The following SLC36A1 variants were observed in gnomAD, a reference collection of about 807,000 sequenced individuals.
SLC36A1 encodes the protein solute carrier family 36 member 1.
A neutral mutation model predicts 47.5 loss-of-function variants in SLC36A1; 30 were observed. The ratio of observed to expected loss-of-function variants is 0.63; its 90% CI spans 0.47 to 0.86. The LOEUF (loss-of-function observed/expected upper bound fraction) is 0.86, where lower values mean the gene tolerates loss of function less well. Ranked by LOEUF, SLC36A1 falls within the 40% of genes least tolerant of loss-of-function variation. The pLI is 0.00. For missense variants in SLC36A1, 517 were observed against 606.0 expected, an observed-to-expected ratio of 0.85 and a Z score of 1.54; for synonymous variants, 255 against 249.7, an observed-to-expected ratio of 1.02 and a Z score of -0.20.
At chr5:151,438,204 A>G (rs915996773) in intron 1 of SLC36A1, among the ~76,000 whole-genome samples, 9 of 152,198 alleles carry the variant, frequency 5.9e-5, no homozygotes, top group African/African-American at 1.2e-4. Flanking sequence ...ACCTGGGACA[A>G]TTTCACTGTG....
chr5:151,503,539 T>C, the SLC36A1 span, among the ~76,000 whole-genome samples: 2 of 150,198 alleles, frequency 1.3e-5, no homozygotes, highest in South Asian at 4.2e-4. Flanking sequence ...CCAGCTGGAT[T>C]GGGAACTTGA....
In SLC36A1 at chr5:151,437,936, A is replaced by G. The variant is rs542263444; in HGVS notation, c.-6+757A>G. ...GAGGCCTCCTGCGTTTCCTTGGCTC[A>G]TGGCGTCTTCCTCCATCTTTAAAGC... On this transcript the variant is annotated intron_variant, in intron 1 of 8. Coordinates refer to the SLC36A1 transcript ENST00000429484. Among the ~76,000 whole-genome samples, 5 of 152,142 alleles carry G rather than the reference A, an allele frequency of 3.3e-5. No homozygotes were observed. In the East Asian group the frequency reaches 7.7e-4, roughly 24 times the overall value.
At chr5:151,454,995 C>G (rs866926160) in intron 1 of SLC36A1, among the ~76,000 whole-genome samples, 8 of 152,322 alleles carry the variant, frequency 5.3e-5, no homozygotes, top group Middle Eastern at 3.4e-3. Flanking sequence ...TTTCCTACCC[C>G]TCTTGATCCT....
At chr5:151,448,701 G>T (rs1753179751) in intron 1 of SLC36A1, among the ~76,000 whole-genome samples, 1 of 152,172 alleles carries the variant, frequency 6.6e-6, no homozygotes, top group Non-Finnish European at 1.5e-5. Context: ...TGGACGTTTT[G>T]CAGTTATTTG....
At chr5:151,382,451 T>C in the SLC36A1 span, 7 of 573,150 alleles carry the variant, frequency 1.2e-5, no homozygotes, top group African/African-American at 9.5e-5. Context: ...TCTTCTAGCA[T>C]AGAAGCAAGG....
chr5:151,370,685 C>G, the SLC36A1 span, among the ~76,000 whole-genome samples: 1 of 152,090 alleles, frequency 6.6e-6, no homozygotes, highest in South Asian at 2.1e-4. Flanking sequence ...TTGCTTGTGA[C>G]CACTATCTGA....
the SLC36A1 span, chr5:151,366,588 G>A: frequency 1.0e-5 from 2 of 200,912 alleles, no homozygotes; most frequent in Non-Finnish European, 1.0e-5. Context: ...TGAGGGGCAG[G>A]GTGCTGCTGC....
chr5:151,381,745 C>G, the SLC36A1 span, among the ~76,000 whole-genome samples: 1 of 152,170 alleles, frequency 6.6e-6, no homozygotes, highest in Non-Finnish European at 1.5e-5. Context: ...AGCTTTGACT[C>G]CCTGTGATTT....
the SLC36A1 span, chr5:151,544,132 G>A: frequency 6.2e-7 from 1 of 1,614,178 alleles, no homozygotes; most frequent in East Asian, 2.2e-5. Flanking sequence ...TTGAACTGTG[G>A]ACATCTCCCC....
the SLC36A1 span, among the ~76,000 whole-genome samples, chr5:151,403,228 A>C: frequency 6.6e-6 from 1 of 152,072 alleles, no homozygotes; most frequent in Admixed American, 6.6e-5. Flanking sequence ...TCTATTTCAA[A>C]GAATCTTTTG....
chr5:151,387,774 CATTTAA>C, the SLC36A1 span, among the ~76,000 whole-genome samples: 1 of 152,176 alleles, frequency 6.6e-6, no homozygotes, highest in Admixed American at 6.5e-5. Flanking sequence ...GCTTGTCTGC[CATTTAA>C]GGACTCTTTG....
At chr5:151,397,559 G>T in the SLC36A1 span, among the ~76,000 whole-genome samples, 1 of 151,966 alleles carries the variant, frequency 6.6e-6, no homozygotes, top group African/African-American at 2.4e-5. Flanking sequence ...GGCCAAGGTG[G>T]GTGTTCAAAA....
chr5:151,501,473 T>G, the SLC36A1 span, among the ~76,000 whole-genome samples: 1 of 148,090 alleles, frequency 6.8e-6, no homozygotes, highest in Non-Finnish European at 1.5e-5. Flanking sequence ...AGGCTGACTC[T>G]GGGTCCCAGG....
At chr5:151,351,225 C>T in the SLC36A1 span, among the ~76,000 whole-genome samples, 2 of 152,060 alleles carry the variant, frequency 1.3e-5, no homozygotes, top group African/African-American at 2.4e-5. Context: ...GAAACTGAGG[C>T]CCAGATAGGA....
the SLC36A1 span, among the ~76,000 whole-genome samples, chr5:151,400,347 T>C: frequency 7.4e-3 from 1,130 of 152,338 alleles, 20 homozygotes; most frequent in East Asian, 0.032. Context: ...TTCATTCTTT[T>C]TATGGCCGCA....
chr5:151,495,516 TATACAG>T (rs1760312417), downstream of SLC36A1, among the ~76,000 whole-genome samples: 1 of 152,316 alleles, frequency 6.6e-6, no homozygotes, highest in African/African-American at 2.4e-5. Flanking sequence ...TTTCATTAGT[TATACAG>T]ATACTCATTT....
At chr5:151,452,217 G>A (rs1008442845) in intron 1 of SLC36A1, 6 of 152,192 alleles carry the variant, frequency 3.9e-5, no homozygotes, top group South Asian at 2.1e-4. Flanking sequence ...TTCTGCTCTG[G>A]TAAGTTGGAT....
At chr5:151,462,837 T>C (rs577647041) in intron 2 of SLC36A1, among the ~76,000 whole-genome samples, 1 of 152,060 alleles carries the variant, frequency 6.6e-6, no homozygotes, top group African/African-American at 2.4e-5. Flanking sequence ...TTGTCCGTCA[T>C]TGTTTGGTTT....
the SLC36A1 span, among the ~76,000 whole-genome samples, chr5:151,354,679 G>C: frequency 5.9e-5 from 9 of 152,178 alleles, no homozygotes; most frequent in African/African-American, 2.2e-4. Context: ...GGACAGAAAA[G>C]ACAGACAGTT....
Sources: gnomAD v4.1 joint callset for allele counts (sites outside exome capture counted in the v4.1 genomes callset) on GRCh38, gnomAD v4.1.1 for gene constraint, MANE v1.5 for transcripts, NCBI Gene and HGNC (gene_info 2026-07-23, HGNC 2026-07-21) for gene names.